LRWD1: variants seen among roughly 807,000 people sequenced by gnomAD.
LRWD1 encodes leucine-rich repeat and WD repeat-containing protein 1.
Under a neutral mutation model 75.6 loss-of-function variants are expected in LRWD1, and 76 were observed. The ratio of observed to expected loss-of-function variants is 1.01; its 90% CI spans 0.84 to 1.22. The LOEUF is 1.22. LRWD1 is among the 50% of genes most tolerant of loss of function. The pLI, the probability that LRWD1 is intolerant of heterozygous loss-of-function variation, is 0.00. For synonymous variants in LRWD1, 487 were observed against 377.0 expected (o/e 1.29, Z -3.38); for missense variants, 917 against 862.0 (o/e 1.06, Z -0.80).
chr7:102,467,951 C>A (rs1563654995), intron 5 of LRWD1, 111 bp from the exon 6 acceptor site: 2 of 1,510,688 alleles, frequency 1.3e-6, no homozygotes, highest in East Asian at 4.9e-5. Context: ...CCTAGGTGAC[C>A]CCGGGCCAGC....
chr7:102,467,170 GGGTGTGTGTGTGT>G (rs1798023756), intron 3 of LRWD1, among the ~76,000 whole-genome samples, 156 bp from the exon 4 acceptor site: 21 of 54,346 alleles, frequency 3.9e-4, no homozygotes, highest in South Asian at 3.2e-3. Context: ...GGTGTGTGTG[GGGTGTGTGTGTGT>G]GTGTGTGTGT....
At position 102,467,612 on chromosome 7, in the gene LRWD1, A is replaced by G. The variant is rs1040217571; in HGVS notation, c.574-107A>G. Reference sequence around the variant, plus strand: ...GGGTGGGCAGCCCTGTTGGCTGGAGAGGCCCTTCCCCAACTCTGGAAGCAT... The same window carrying G: ...GGGTGGGCAGCCCTGTTGGCTGGAGGGGCCCTTCCCCAACTCTGGAAGCAT... On this transcript the variant is annotated intron_variant, in intron 4 of 14. Transcript: ENST00000292616. The G allele has an allele frequency of 1.5e-5, 22 of 1,505,004 alleles. No individual in the cohort carries two copies. The East Asian group carries it at 4.9e-4, about 34-fold the overall frequency. The allele number at this position is 1,505,004 out of a possible 1,614,324, so 93.2% of individuals were successfully genotyped here. A position where few individuals can be genotyped will look rare whatever the true frequency, so the allele number is the denominator to read the frequency against.
intron 4 of LRWD1, 61 bp downstream of exon 4, chr7:102,467,540 G>C (rs1798048043): frequency 6.9e-6 from 11 of 1,595,782 alleles, no homozygotes; most frequent in Non-Finnish European, 6.8e-6. Flanking sequence ...CTGCCTGGAG[G>C]TCCCTGGCCA....
intron 1 of LRWD1, 33 bp downstream of exon 1, chr7:102,465,193 TCGGGGCCGGGCGGTCGGGGAGAAGAG>T: frequency 7.0e-7 from 1 of 1,433,762 alleles, no homozygotes; most frequent in Non-Finnish European, 9.1e-7. Flanking sequence ...GGCTGTGTCC[TCGGGGCCGGGCGGTCGGGGAGAAGAG>T]CGGGGACCCT....
chr7:102,468,535 C>T lies in LRWD1; in HGVS notation c.920-19C>T. ...GGAAATGTCTCTGCTCATCCGACCT[C>T]TCAAAACCGGGCACTCAGGGGCCAC... is the stretch of plus-strand genomic sequence containing the variant. On this transcript the variant is annotated intron_variant, in intron 7 of 14. Transcript: ENST00000292616. 6.4e-7 allele frequency: 1 copy of T among 1,557,860 alleles called. No homozygotes were observed. Among genetic ancestry groups the T allele is most frequent in the South Asian group, 1.2e-5 (1 of 84,590 alleles).
intron 14 of LRWD1, 32 bp from the exon 15 acceptor site, chr7:102,472,877 C>T: frequency 6.2e-7 from 1 of 1,611,574 alleles, no homozygotes; most frequent in Non-Finnish European, 8.5e-7. Flanking sequence ...TCAGCAGGAG[C>T]CCAGCCCAGC....
At chr7:102,472,375 GC>G in intron 12 of LRWD1, 66 bp downstream of exon 12, 1 of 1,551,578 alleles carries the variant, frequency 6.4e-7, no homozygotes, top group Non-Finnish European at 8.7e-7. Flanking sequence ...TTGTCCCTGG[GC>G]TAGGCTTCTG....
chr7:102,465,208 C>A, intron 1 of LRWD1, 48 bp downstream of exon 1: 1 of 1,395,944 alleles, frequency 7.2e-7, no homozygotes, highest in South Asian at 1.6e-5. Flanking sequence ...GCCGGGCGGT[C>A]GGGGAGAAGA....
chr7:102,468,693 C>T (rs562601883), intron 8 of LRWD1, 39 bp downstream of exon 8: 37 of 1,548,294 alleles, frequency 2.4e-5, no homozygotes, highest in East Asian at 9.7e-5. Context: ...CAAGGGTGCC[C>T]GACTGACTCC....
At chr7:102,469,939 G>A in intron 11 of LRWD1, 57 bp downstream of exon 11, 1 of 1,445,546 alleles carries the variant, frequency 6.9e-7, no homozygotes, top group South Asian at 1.4e-5. Flanking sequence ...GTGGCTGTTG[G>A]CCCAGATGGG....
At chr7:102,471,572 TCTC>T in intron 11 of LRWD1, 1 of 155,088 alleles carries the variant, frequency 6.4e-6, no homozygotes, top group East Asian at 1.9e-4. Context: ...AGATGCTTCT[TCTC>T]TTACCCTCTG....
chr7:102,472,101 T>C, intron 11 of LRWD1, 117 bp from the exon 12 acceptor site: 3 of 914,744 alleles, frequency 3.3e-6, no homozygotes, highest in South Asian at 3.0e-5. Context: ...GGTGGCATCT[T>C]CTGTGCAGCC....
chr7:102,472,745 G>GTCAGCAACATCCT lies in LRWD1; in HGVS notation c.1745_1757dup (p.Lys587GlnfsTer?). The GTCAGCAACATCCT allele has an allele frequency of 1.2e-6, 2 of 1,613,494 alleles. No individual in the cohort carries two copies. Among genetic ancestry groups the GTCAGCAACATCCT allele is most frequent in the Non-Finnish European group, 1.7e-6 (2 of 1,179,960 alleles). On this transcript the variant is annotated frameshift_variant, in exon 14 of 15. Coordinates refer to ENST00000292616, the MANE Select transcript of LRWD1 (RefSeq NM_152892.3). LOFTEE classifies it high-confidence loss of function. ...GGAGGGCAACGTGTGGCTCTACGAC[G>GTCAGCAACATCCT]TCAGCAACATCCTGAAGCAGCCACC...
intron 5 of LRWD1, 87 bp from the exon 6 acceptor site, chr7:102,467,975 A>T (rs1232164601): frequency 6.5e-7 from 1 of 1,546,406 alleles, no homozygotes; most frequent in Non-Finnish European, 8.7e-7. Flanking sequence ...GGCCTCCTGC[A>T]TCCGCAGTGA....
chr7:102,465,610 C>T (rs183948178), intron 1 of LRWD1: 9 of 522,192 alleles, frequency 1.7e-5, no homozygotes, highest in Middle Eastern at 2.9e-4. Flanking sequence ...TCCCTCAGCC[C>T]AGGAGTTGGA....
At chr7:102,467,169 G>GTGTGTGTGTGTAGGCACCT (rs773521223) in intron 3 of LRWD1, among the ~76,000 whole-genome samples, 170 bp from the exon 4 acceptor site, 1 of 19,816 alleles carries the variant, frequency 5.0e-5, no homozygotes, top group South Asian at 8.7e-4. Context: ...GGGTGTGTGT[G>GTGTGTGTGTGTAGGCACCT]GGGTGTGTGT....
intron 8 of LRWD1, 93 bp downstream of exon 8, chr7:102,468,747 C>A: frequency 6.6e-7 from 1 of 1,525,214 alleles, no homozygotes. Context: ...CCCCCTGCCC[C>A]ATGGCCTTTT....
chr7:102,472,062 C>T, intron 11 of LRWD1, 156 bp from the exon 12 acceptor site: 1 of 710,688 alleles, frequency 1.4e-6, no homozygotes, highest in Non-Finnish European at 2.4e-6. Context: ...GCAAACTGAA[C>T]CTTCCTGGGG....
At chr7:102,465,245 T>A in intron 1 of LRWD1, 85 bp downstream of exon 1, 1 of 1,259,282 alleles carries the variant, frequency 7.9e-7, no homozygotes, top group Non-Finnish European at 1.0e-6. Context: ...ACGGCCCGCT[T>A]GTCCCCGTTA....
Sources: allele counts gnomAD v4.1 joint callset (sites outside exome capture counted in the v4.1 genomes callset), GRCh38; gene constraint gnomAD v4.1.1; transcripts MANE v1.5; gene names NCBI Gene and HGNC (gene_info 2026-07-23, HGNC 2026-07-21).